PDZRN3: variants seen among roughly 807,000 people sequenced by gnomAD.
PDZRN3 encodes E3 ubiquitin-protein ligase PDZRN3.
A neutral mutation model predicts 85.7 loss-of-function variants in PDZRN3; 38 were observed. That is an observed-to-expected ratio of 0.44 (90% CI 0.34 to 0.58). PDZRN3 has a LOEUF of 0.58. Among genes scored for constraint, PDZRN3 ranks in the 20% least tolerant of loss-of-function variants. PDZRN3 has a pLI of 0.01. For missense variants in PDZRN3, 1,629 were observed against 1,506.4 expected, an observed-to-expected ratio of 1.08 and a Z score of -1.35; for synonymous variants, 759 against 638.0, an observed-to-expected ratio of 1.19 and a Z score of -2.86.
chr3:73,395,764 G>A (rs1701622064), intron 5 of PDZRN3, among the ~76,000 whole-genome samples: 1 of 152,196 alleles, frequency 6.6e-6, no homozygotes, highest in South Asian at 2.1e-4. Flanking sequence ...AGGACCTTAT[G>A]TTTGAGATAG....
At chr3:73,474,604 GT>G (rs771152611) in intron 3 of PDZRN3, 26 of 1,266,746 alleles carry the variant, frequency 2.1e-5, no homozygotes, top group Admixed American at 1.2e-4. Flanking sequence ...TCTAAGCTTG[GT>G]TTATGTTGAG....
intron 3 of PDZRN3, among the ~76,000 whole-genome samples, chr3:73,570,705 A>C (rs1018857257): frequency 1.3e-5 from 2 of 152,108 alleles, no homozygotes; most frequent in African/African-American, 2.4e-5. Flanking sequence ...GGAAGCATCA[A>C]TGGTGGCCCG....
rs544507352 is a variant in PDZRN3 at position 73,533,163 on chromosome 3, T to A, written c.918+69191A>T. ...CAGAAATGAAGCATTTTACAAAAGATTTCTAATAACCTCATCTAGCAATCT... is the reference window on the plus strand; with the variant it reads ...CAGAAATGAAGCATTTTACAAAAGAATTCTAATAACCTCATCTAGCAATCT... On this transcript the variant is annotated intron_variant, in intron 3 of 9. Transcript: ENST00000263666. Among the ~76,000 whole-genome samples, 9 of 152,350 alleles carry A rather than the reference T, an allele frequency of 5.9e-5. No individual in the cohort carries two copies. In the South Asian group the frequency reaches 1.7e-3, roughly 28 times the overall value.
At chr3:73,417,500 C>CA (rs764581760) in intron 3 of PDZRN3, among the ~76,000 whole-genome samples, 1 of 152,146 alleles carries the variant, frequency 6.6e-6, no homozygotes, top group Non-Finnish European at 1.5e-5. Context: ...AATTAAAGCA[C>CA]AAAAACTAAC....
intron 3 of PDZRN3, among the ~76,000 whole-genome samples, chr3:73,439,872 G>A (rs558074535): frequency 3.3e-5 from 5 of 151,956 alleles, no homozygotes; most frequent in Non-Finnish European, 7.4e-5. Context: ...CTGAATAGCT[G>A]GGACTACAGG....
At chr3:73,389,365 C>A (rs141498430) in intron 7 of PDZRN3, among the ~76,000 whole-genome samples, 50 of 152,242 alleles carry the variant, frequency 3.3e-4, no homozygotes, top group East Asian at 2.5e-3. Flanking sequence ...ACTTTTCAAT[C>A]GATGCTGCTA....
chr3:73,605,514 A>G (rs1286298689), intron 2 of PDZRN3, among the ~76,000 whole-genome samples: 2 of 152,220 alleles, frequency 1.3e-5, no homozygotes, highest in African/African-American at 2.4e-5. Flanking sequence ...TGCTAAGAGT[A>G]TTGCATACTG....
chr3:73,610,648 T>C (rs1291712539), intron 1 of PDZRN3, among the ~76,000 whole-genome samples: 2 of 152,344 alleles, frequency 1.3e-5, no homozygotes, highest in South Asian at 2.1e-4. Flanking sequence ...ATATCTTACA[T>C]GTCTGGCTTT....
intron 3 of PDZRN3, among the ~76,000 whole-genome samples, chr3:73,524,146 A>T (rs1704463552): frequency 6.6e-6 from 1 of 152,236 alleles, no homozygotes; most frequent in Non-Finnish European, 1.5e-5. Context: ...ACTATTTAAT[A>T]TAGAATCCTG....
chr3:73,392,427 G>C (rs989619430), intron 5 of PDZRN3, among the ~76,000 whole-genome samples: 2 of 152,206 alleles, frequency 1.3e-5, no homozygotes, highest in Non-Finnish European at 2.9e-5. Context: ...GGGAAGAGTT[G>C]GAACTGTAAA....
At chr3:73,529,160 G>T (rs548449452) in intron 3 of PDZRN3, among the ~76,000 whole-genome samples, 1 of 152,182 alleles carries the variant, frequency 6.6e-6, no homozygotes, top group South Asian at 2.1e-4. Flanking sequence ...AAAATCTTAC[G>T]GTCTGTCTTT....
intron 1 of PDZRN3, chr3:73,623,870 T>G (rs1387917879): frequency 5.0e-6 from 2 of 398,590 alleles, no homozygotes; most frequent in East Asian, 7.3e-5. Context: ...TCCCTGAAGC[T>G]GTACAGCTAT....
intron 3 of PDZRN3, among the ~76,000 whole-genome samples, chr3:73,559,103 CAATT>C (rs1279580523): frequency 2.0e-5 from 3 of 152,146 alleles, no homozygotes; most frequent in African/African-American, 7.2e-5. Flanking sequence ...CAGGCAGACA[CAATT>C]AACCACAATT....
chr3:73,402,867 A>G (rs1701777798), intron 4 of PDZRN3, among the ~76,000 whole-genome samples: 1 of 151,886 alleles, frequency 6.6e-6, no homozygotes, highest in Admixed American at 6.6e-5. Context: ...AGCTGAGATG[A>G]GAAAACACAG....
chr3:73,417,967 T>C (rs1288486757), intron 3 of PDZRN3, among the ~76,000 whole-genome samples: 1 of 152,128 alleles, frequency 6.6e-6, no homozygotes, highest in African/African-American at 2.4e-5. Flanking sequence ...GACACAGAAA[T>C]TGGGAAGATT....
chr3:73,508,084 G>C (rs1704099483), intron 3 of PDZRN3, among the ~76,000 whole-genome samples: 1 of 151,336 alleles, frequency 6.6e-6, no homozygotes, highest in South Asian at 2.1e-4. Flanking sequence ...GACTGAGACG[G>C]TCTCAAAAAA....
At chr3:73,547,152 C>T (rs2106795173) in intron 3 of PDZRN3, among the ~76,000 whole-genome samples, 1 of 152,250 alleles carries the variant, frequency 6.6e-6, no homozygotes, top group African/African-American at 2.4e-5. Context: ...ATTCATCATC[C>T]TAGGATAGAG....
intron 5 of PDZRN3, among the ~76,000 whole-genome samples, chr3:73,393,143 T>C (rs1355557885): frequency 2.0e-5 from 3 of 152,140 alleles, no homozygotes; most frequent in African/African-American, 7.2e-5. Context: ...GTGCTACCCC[T>C]GCAGGAGACA....
At chr3:73,486,180 G>A (rs1416329666) in intron 3 of PDZRN3, among the ~76,000 whole-genome samples, 1 of 152,206 alleles carries the variant, frequency 6.6e-6, no homozygotes, top group East Asian at 1.9e-4. Context: ...AGCAGACAGT[G>A]GGGGCTGGGA....
Sources: gnomAD v4.1 joint callset for allele counts (sites outside exome capture counted in the v4.1 genomes callset) on GRCh38, gnomAD v4.1.1 for gene constraint, MANE v1.5 for transcripts, NCBI Gene and HGNC (gene_info 2026-07-23, HGNC 2026-07-21) for gene names.